The following FCER2 variants were observed in gnomAD, a reference collection of about 807,000 sequenced individuals.
The protein encoded by FCER2 is Fc epsilon receptor II.
A neutral mutation model predicts 49.7 loss-of-function variants in FCER2; 38 were observed. That is an observed-to-expected ratio of 0.76 (90% confidence interval 0.59 to 1.00). FCER2 has a LOEUF of 1.00. FCER2 is among the 50% of genes least tolerant of loss of function. The pLI is 0.00. For missense variants in FCER2, 425 were observed against 419.5 expected (o/e 1.01, Z -0.11); for synonymous variants, 163 against 164.6 (o/e 0.99, Z 0.07).
At chr19:7,697,469 A>G in intron 5 of FCER2, 58 bp downstream of exon 5, 1 of 1,509,020 alleles carries the variant, frequency 6.6e-7, no homozygotes, top group South Asian at 1.1e-5. Context: ...GGGTCCAGGA[A>G]GTCATCCAAG....
Position 7,697,049 on chromosome 19 carries a change from C to G in FCER2, c.343G>C (p.Gly115Arg). ...QDLELSWNLN[G>R]LQADLSSFKS... ...AAGCTGCTCAGATCTGCTTGAAGCC[C>G]GTTCAGGTTCCAGGACAGCTCCAAG... Residue 115 changes from glycine to arginine, a missense_variant, in exon 7 of 11, where the codon GGG (glycine) becomes CGG (arginine). Transcript: ENST00000597921. 6.2e-7 allele frequency: 1 copy of G among 1,612,070 alleles called. No individual in the cohort carries two copies. The highest frequency in any genetic ancestry group is 8.5e-7 in the Non-Finnish European group (1 of 1,179,102).
At position 7,699,935 on chromosome 19, in the gene FCER2, G is replaced by A. The variant is rs959462132; in HGVS notation, c.-85-90C>T. 44 of 654,298 alleles carry A rather than the reference G, an allele frequency of 6.7e-5. 2 individuals are homozygous for A. In the South Asian group the frequency reaches 7.0e-4, roughly 10 times the overall value. 40.5% of individuals were successfully genotyped at this position (654,298 alleles called of 1,614,324 possible). A position where few individuals can be genotyped will look rare whatever the true frequency, so the allele number is the denominator to read the frequency against. ...ATCTGGGACTTGGTGGCACTCAGGG[G>A]CCATTTGCTGATTTTGTTTAGTCTA... On this transcript the variant is annotated intron_variant, in intron 1 of 10. Transcript: ENST00000597921.
At chr19:7,690,765 A>G (rs1434425298) in intron 8 of FCER2, among the ~76,000 whole-genome samples, 1 of 152,130 alleles carries the variant, frequency 6.6e-6, no homozygotes, top group East Asian at 1.9e-4. Context: ...CACCTCAGCC[A>G]CCATGGCCAC....
rs886255447 is a variant in FCER2 at position 7,698,266 on chromosome 19, C to T, written c.190+90G>A. ...CTTAGTTTGACCTTCAGTTCCTTAG[C>T]GAGGGGACACTGAGGCCCAGAGAGG... On this transcript the variant is annotated intron_variant, in intron 4 of 10. Transcript: ENST00000597921. 4.3e-5 allele frequency: 40 copies of T among 940,772 alleles called. 1 individual carries two copies. In the East Asian group the frequency reaches 6.5e-4, roughly 15 times the overall value. The allele number at this position is 940,772 out of a possible 1,614,324, so 58.3% of individuals were successfully genotyped here. A position where few individuals can be genotyped will look rare whatever the true frequency, so the allele number is the denominator to read the frequency against.
chr19:7,696,449 T>G (rs569839124), intron 8 of FCER2, among the ~76,000 whole-genome samples: 1 of 152,282 alleles, frequency 6.6e-6, no homozygotes, highest in Admixed American at 6.5e-5. Flanking sequence ...TTGGTCAGGC[T>G]GGTCTCGAAC....
At chr19:7,693,155 G>A (rs147874284) in intron 8 of FCER2, among the ~76,000 whole-genome samples, 306 of 152,190 alleles carry the variant, frequency 2.0e-3, no homozygotes, top group African/African-American at 6.9e-3. Context: ...CAGTGCTGTG[G>A]CCAGGTCCAC....
intron 8 of FCER2, among the ~76,000 whole-genome samples, chr19:7,696,488 G>A (rs1350425478): frequency 3.3e-5 from 5 of 151,988 alleles, no homozygotes; most frequent in Admixed American, 1.3e-4. Context: ...CACCCGCCTC[G>A]GCCTCTCAAA....
intron 10 of FCER2, 58 bp downstream of exon 10, chr19:7,690,101 C>T: frequency 9.3e-7 from 1 of 1,079,948 alleles, no homozygotes; most frequent in Non-Finnish European, 1.4e-6. Flanking sequence ...ATCTAGGGAG[C>T]TCCTCCCTCC....
intron 8 of FCER2, among the ~76,000 whole-genome samples, chr19:7,693,162 C>G (rs2146271905): frequency 6.6e-6 from 1 of 152,238 alleles, no homozygotes; most frequent in African/African-American, 2.4e-5. Flanking sequence ...GTGGCCAGGT[C>G]CACCAGCGAT....
At position 7,689,297 on chromosome 19, in the gene FCER2, A is replaced by G. The variant is rs765777552; in HGVS notation, c.862T>C (p.Cys288Arg). ...GAACCTTCGCTGGCTGGCGGCGTGC[A>G]TGTGGCCAGCCGGTCGCACACCCAG... The part of the protein sequence containing the change: ...GAWVCDRLAT[C>R]TPPASEGSAE... The change falls in exon 11 of 11, where the codon TGC becomes CGC. Residue 288 changes from cysteine (C) to arginine (R), a missense_variant. By Grantham distance (180) the Cys-to-Arg change is radical. Coordinates refer to ENST00000597921, the MANE Select transcript of FCER2 (RefSeq NM_001220500.2). 5 of 1,613,170 alleles carry G rather than the reference A, an allele frequency of 3.1e-6. No individual in the cohort carries two copies. The highest frequency in any genetic ancestry group is 3.4e-6 in the Non-Finnish European group (4 of 1,179,818).
At chr19:7,700,969 C>T (rs1261430274) in intron 1 of FCER2, among the ~76,000 whole-genome samples, 1 of 152,108 alleles carries the variant, frequency 6.6e-6, no homozygotes, top group African/African-American at 2.4e-5. Context: ...CACCACCACA[C>T]CTGGCTAATT....
intron 8 of FCER2, among the ~76,000 whole-genome samples, chr19:7,691,140 C>T (rs2032859188): frequency 1.3e-5 from 2 of 152,196 alleles, no homozygotes; most frequent in East Asian, 1.9e-4. Flanking sequence ...TTTCAACCAT[C>T]GTCATAACCA....
intron 4 of FCER2, 71 bp from the exon 5 acceptor site, chr19:7,697,660 A>C (rs1239791765): frequency 8.1e-7 from 1 of 1,238,710 alleles, no homozygotes; most frequent in East Asian, 2.3e-5. Flanking sequence ...CCTATGCCCC[A>C]GGCTCAGGGA....
At chr19:7,694,827 C>A (rs75497226) in intron 8 of FCER2, among the ~76,000 whole-genome samples, 1 of 138,790 alleles carries the variant, frequency 7.2e-6, no homozygotes. Context: ...CCAGTTCCTA[C>A]CGTACAGTAA....
At chr19:7,697,459 G>C (rs2033046365) in intron 5 of FCER2, 68 bp downstream of exon 5, 1 of 1,505,914 alleles carries the variant, frequency 6.6e-7, no homozygotes, top group African/African-American at 1.4e-5. Flanking sequence ...TTAATGCTCT[G>C]GGTCCAGGAA....
intron 8 of FCER2, among the ~76,000 whole-genome samples, chr19:7,693,336 A>G (rs1010151702): frequency 1.1e-4 from 17 of 152,130 alleles, no homozygotes; most frequent in Admixed American, 1.1e-3. Context: ...AGGTCCCACA[A>G]TCCCTCAATA....
Position 7,697,277 on chromosome 19 carries a change from A to C in FCER2, c.275T>G (p.Leu92Arg). 2 of 1,614,100 alleles carry C rather than the reference A, an allele frequency of 1.2e-6. No homozygotes were observed. Among genetic ancestry groups the C allele is most frequent in the Non-Finnish European group, 1.7e-6 (2 of 1,180,014 alleles). The change falls in exon 6 of 11, where the codon CTG (leucine) becomes CGG (arginine). Residue 92 changes from leucine (L) to arginine (R), a missense_variant. By Grantham distance (102) the Leu-to-Arg change is moderately radical. Transcript: ENST00000597921. ...CTGCTGTTCAGCTCGAAGTTCCTCC[A>C]GTTCCTGTGAAATCTGCGTGGCTGT... Reference protein sequence around the residue: ...KSQSTQISQELEELRAEQQRL... With the variant: ...KSQSTQISQEREELRAEQQRL...
chr19:7,700,842 G>T (rs11260022), intron 1 of FCER2, among the ~76,000 whole-genome samples: 4 of 150,614 alleles, frequency 2.7e-5, no homozygotes, highest in Non-Finnish European at 5.9e-5. Flanking sequence ...ATGGAGTCTC[G>T]CTCTGTCACC....
chr19:7,696,655 CA>C, intron 8 of FCER2, 169 bp downstream of exon 8: 1 of 612,984 alleles, frequency 1.6e-6, no homozygotes, highest in East Asian at 2.7e-5. Flanking sequence ...CGCATCCAAG[CA>C]CACTCCCCAC....
Sources: allele counts gnomAD v4.1 joint callset (sites outside exome capture counted in the v4.1 genomes callset), GRCh38; gene constraint gnomAD v4.1.1; transcripts MANE v1.5; gene names NCBI Gene and HGNC (gene_info 2026-07-23, HGNC 2026-07-21).